The following PPP1R9A variants were observed in gnomAD, a reference collection of about 807,000 sequenced individuals.
PPP1R9A encodes neurabin-1.
PPP1R9A carries 59 observed loss-of-function variants against 141.9 expected under a neutral mutation model. That is an observed-to-expected ratio of 0.42 (90% confidence interval 0.34 to 0.52). PPP1R9A has a LOEUF of 0.52. Ranked by LOEUF, PPP1R9A falls within the 20% of genes least tolerant of loss-of-function variation. The pLI is 0.10. For synonymous variants in PPP1R9A, 500 were observed against 569.7 expected, an observed-to-expected ratio of 0.88 and a Z score of 1.74; for missense variants, 1,444 against 1,611.9, an observed-to-expected ratio of 0.90 and a Z score of 1.78.
At chr7:95,120,609 A>C in intron 3 of PPP1R9A, 103 bp from the exon 4 acceptor site, 1 of 1,312,926 alleles carries the variant, frequency 7.6e-7, no homozygotes, top group Non-Finnish European at 1.0e-6. Context: ...CCTATCCATA[A>C]GGAAAAATAA....
intron 6 of PPP1R9A, among the ~76,000 whole-genome samples, chr7:95,201,975 A>T (rs1395882635): frequency 6.6e-6 from 1 of 152,162 alleles, no homozygotes; most frequent in Non-Finnish European, 1.5e-5. Context: ...AAATCATCCA[A>T]AGTTGATTGT....
At chr7:95,103,617 C>T (rs1451370779) in intron 2 of PPP1R9A, among the ~76,000 whole-genome samples, 1 of 152,068 alleles carries the variant, frequency 6.6e-6, no homozygotes, top group Admixed American at 6.5e-5. Context: ...ATCCGCCTGC[C>T]TCGGCCTCCC....
At chr7:95,049,106 C>A (rs1459815378) in intron 2 of PPP1R9A, among the ~76,000 whole-genome samples, 4 of 152,072 alleles carry the variant, frequency 2.6e-5, no homozygotes, top group African/African-American at 9.7e-5. Flanking sequence ...TTTGTGTGAC[C>A]ACTGGGTGCT....
At chr7:94,969,651 A>T (rs1425705622) in intron 2 of PPP1R9A, among the ~76,000 whole-genome samples, 1 of 152,134 alleles carries the variant, frequency 6.6e-6, no homozygotes, top group Non-Finnish European at 1.5e-5. Flanking sequence ...AGGCAATCTG[A>T]TGCTTAGCAG....
At position 95,273,887 on chromosome 7, in the gene PPP1R9A, T is replaced by C; in HGVS notation, c.3125-12T>C. On this transcript the variant is annotated splice_polypyrimidine_tract_variant and intron_variant, in intron 14 of 19. Transcript: ENST00000433360. ...TAATAATTGATCTTTTTCACAAATGTGTATATCCTAGATGATGCCAAAGAT... is the reference window on the plus strand; with the variant it reads ...TAATAATTGATCTTTTTCACAAATGCGTATATCCTAGATGATGCCAAAGAT... 6.7e-7 allele frequency: 1 copy of C among 1,486,308 alleles called. No homozygotes were observed. Among genetic ancestry groups the C allele is most frequent in the Non-Finnish European group, 9.2e-7 (1 of 1,085,896 alleles). 92.1% of individuals were successfully genotyped at this position (1,486,308 alleles called of 1,614,324 possible).
At chr7:95,224,004 G>GA (rs369634875) in intron 7 of PPP1R9A, among the ~76,000 whole-genome samples, 2,023 of 145,116 alleles carry the variant, frequency 0.014, 34 homozygotes, top group Admixed American at 0.044. Flanking sequence ...GAATACAAAA[G>GA]AAAAAAAAAA....
intron 7 of PPP1R9A, among the ~76,000 whole-genome samples, chr7:95,218,377 T>C (rs1364180254): frequency 6.6e-6 from 1 of 152,198 alleles, no homozygotes; most frequent in East Asian, 1.9e-4. Flanking sequence ...TCAGGAGGGC[T>C]TTACTTCCAA....
At chr7:95,186,278 T>C (rs947224601) in intron 5 of PPP1R9A, among the ~76,000 whole-genome samples, 1 of 152,076 alleles carries the variant, frequency 6.6e-6, no homozygotes, top group African/African-American at 2.4e-5. Flanking sequence ...TGAGGAGCTG[T>C]TGTAAAAAAG....
intron 2 of PPP1R9A, among the ~76,000 whole-genome samples, chr7:94,989,129 A>G (rs1334749599): frequency 2.0e-5 from 3 of 152,044 alleles, no homozygotes; most frequent in African/African-American, 7.2e-5. Flanking sequence ...GTGCATTTCT[A>G]ACAAGTTTCC....
chr7:94,947,991 A>C (rs1796071879), intron 2 of PPP1R9A, among the ~76,000 whole-genome samples: 1 of 151,958 alleles, frequency 6.6e-6, no homozygotes, highest in South Asian at 2.1e-4. Flanking sequence ...AGTCTGTTTT[A>C]TTACTCAAAT....
At chr7:94,929,464 C>T (rs1023873399) in intron 2 of PPP1R9A, among the ~76,000 whole-genome samples, 1 of 152,154 alleles carries the variant, frequency 6.6e-6, no homozygotes. Flanking sequence ...TGCAACCTAA[C>T]AGCGAGGCAC....
chr7:94,941,115 G>A (rs544557614), intron 2 of PPP1R9A, among the ~76,000 whole-genome samples: 14 of 152,206 alleles, frequency 9.2e-5, no homozygotes, highest in East Asian at 5.8e-4. Flanking sequence ...TTCAGAAGTC[G>A]CAGGACAGAC....
intron 5 of PPP1R9A, among the ~76,000 whole-genome samples, chr7:95,172,918 A>T (rs1832343813): frequency 6.6e-6 from 1 of 151,256 alleles, no homozygotes; most frequent in African/African-American, 2.4e-5. Flanking sequence ...TGAAGAATTG[A>T]TTTTTTTTTA....
intron 2 of PPP1R9A, among the ~76,000 whole-genome samples, chr7:94,930,772 C>G (rs939298862): frequency 1.3e-5 from 2 of 152,092 alleles, no homozygotes; most frequent in African/African-American, 4.8e-5. Flanking sequence ...TACAGAGATA[C>G]AAAGATAGAG....
At chr7:94,985,098 G>A (rs573448202) in intron 2 of PPP1R9A, among the ~76,000 whole-genome samples, 20 of 152,264 alleles carry the variant, frequency 1.3e-4, no homozygotes, top group South Asian at 1.0e-3. Context: ...TTACCCAGTC[G>A]TCATTCAGGA....
At chr7:95,255,641 A>T (rs1799477263) in intron 12 of PPP1R9A, among the ~76,000 whole-genome samples, 1 of 152,178 alleles carries the variant, frequency 6.6e-6, no homozygotes, top group Non-Finnish European at 1.5e-5. Flanking sequence ...ATCAAGAATG[A>T]AAGAGGAAAA....
intron 12 of PPP1R9A, among the ~76,000 whole-genome samples, chr7:95,254,147 G>A (rs1433368375): frequency 6.6e-6 from 1 of 152,010 alleles, no homozygotes; most frequent in Non-Finnish European, 1.5e-5. Context: ...AGTGAGATGT[G>A]GAGACTACTA....
At chr7:95,170,710 T>C (rs1428549665) in intron 5 of PPP1R9A, among the ~76,000 whole-genome samples, 2 of 151,518 alleles carry the variant, frequency 1.3e-5, no homozygotes, top group Non-Finnish European at 3.0e-5. Context: ...AATACTATTA[T>C]AAGAAATGTC....
intron 6 of PPP1R9A, among the ~76,000 whole-genome samples, chr7:95,201,048 C>A (rs1013810600): frequency 3.3e-5 from 5 of 150,900 alleles, no homozygotes; most frequent in African/African-American, 1.2e-4. Flanking sequence ...AAGAGAATTA[C>A]TGTTTGCGGT....
Sources: gnomAD v4.1 joint callset for allele counts (sites outside exome capture counted in the v4.1 genomes callset) on GRCh38, gnomAD v4.1.1 for gene constraint, MANE v1.5 for transcripts, NCBI Gene and HGNC (gene_info 2026-07-23, HGNC 2026-07-21) for gene names.